CERS3: variants seen among roughly 807,000 people sequenced by gnomAD.
CERS3 encodes the protein ceramide synthase 3.
A neutral mutation model predicts 50.3 loss-of-function variants in CERS3; 33 were observed. The observed-to-expected ratio is 0.66, with a 90% CI of 0.50 to 0.88. The LOEUF (loss-of-function observed/expected upper bound fraction) is 0.88. CERS3 is among the 40% of genes least tolerant of loss of function. CERS3 has a pLI of 0.00. For synonymous variants in CERS3, 176 were observed against 155.2 expected, an observed-to-expected ratio of 1.13 and a Z score of -0.99; for missense variants, 470 against 460.3, an observed-to-expected ratio of 1.02 and a Z score of -0.19.
chr15:100,405,600 A>C (rs1443189351), intron 11 of CERS3, among the ~76,000 whole-genome samples: 1 of 152,234 alleles, frequency 6.6e-6, no homozygotes, highest in East Asian at 1.9e-4. Flanking sequence ...AATATGATCT[A>C]TTGTACAACA....
rs2030456109 is a variant in CERS3 at position 100,400,750 on chromosome 15, AAG to A, written c.*1961_*1962del. 1 of 152,144 alleles carries A rather than the reference AAG, an allele frequency of 6.6e-6. No homozygotes were observed. The highest frequency in any genetic ancestry group is 1.5e-5 in the Non-Finnish European group (1 of 68,028). The allele number at this position is 152,144 out of a possible 1,614,324, so 9.4% of individuals were successfully genotyped here. On this transcript the variant is annotated 3_prime_UTR_variant, in exon 12 of 12. Coordinates refer to ENST00000679737, the MANE Select transcript of CERS3 (RefSeq NM_001378789.1). Reference sequence around the variant, plus strand: ...ACAAAAACCAAATAAGCAAAGAAGAAAGCATACCGTTAACTGAAAACATAAAA... The same window carrying A: ...ACAAAAACCAAATAAGCAAAGAAGAACATACCGTTAACTGAAAACATAAAA...
At chr15:100,533,475 T>C (rs1429767240), upstream of CERS3, among the ~76,000 whole-genome samples, 3 of 152,118 alleles carry the variant, frequency 2.0e-5, no homozygotes, top group East Asian at 3.9e-4. Context: ...GACCAATTCA[T>C]TGGGTTCTTT....
intron 11 of CERS3, among the ~76,000 whole-genome samples, chr15:100,425,609 G>C (rs976764023): frequency 2.0e-5 from 3 of 152,160 alleles, no homozygotes; most frequent in Admixed American, 6.5e-5. Context: ...ATTAATTGCT[G>C]TTTTATTTTA....
intron 3 of CERS3, among the ~76,000 whole-genome samples, chr15:100,499,689 A>G (rs1180991519): frequency 6.6e-6 from 1 of 152,226 alleles, no homozygotes; most frequent in Non-Finnish European, 1.5e-5. Context: ...ATATGCTGAA[A>G]CATAGGGTTA....
Position 100,423,041 on chromosome 15 carries a change from C to G in CERS3, c.1000-20176G>C, listed in dbSNP as rs565126214. ...GCATGGCACATGTATACATATGTAA[C>G]TAACCTGCACATTGTGCACATGTAC... On this transcript the variant is annotated intron_variant, in intron 11 of 11. Coordinates refer to ENST00000679737, the MANE Select transcript of CERS3 (RefSeq NM_001378789.1). Among the ~76,000 whole-genome samples the G allele has an allele frequency of 2.0e-5, 3 of 147,702 alleles. 1 individual carries two copies. The highest frequency in any genetic ancestry group is 5.0e-5 in the African/African-American group (2 of 39,630).
intron 10 of CERS3, among the ~76,000 whole-genome samples, chr15:100,459,879 C>A (rs2587804): frequency 0.25 from 38,243 of 151,666 alleles, 5,333 homozygotes; most frequent in East Asian, 0.4. Context: ...CTATTTATAT[C>A]TCTTATTGGT....
In CERS3 at chr15:100,516,523, G is replaced by A. The variant is rs568329323; in HGVS notation, c.-2+5144C>T. On this transcript the variant is annotated intron_variant, in intron 2 of 11. Coordinates refer to ENST00000679737, the MANE Select transcript of CERS3 (RefSeq NM_001378789.1). ...GAACACTGTAATGTGCTGGGTAAGC[G>A]TTATACAGTAACCTCATCTTATTAT... is the stretch of plus-strand genomic sequence containing the variant. Among the ~76,000 whole-genome samples the A allele has an allele frequency of 8.7e-4, 133 of 152,314 alleles. 1 individual carries two copies. Among genetic ancestry groups the A allele is most frequent in the African/African-American group, 2.5e-3 (103 of 41,572 alleles).
intron 2 of CERS3, among the ~76,000 whole-genome samples, chr15:100,507,353 C>T (rs1188354875): frequency 6.6e-6 from 1 of 152,166 alleles, no homozygotes; most frequent in Non-Finnish European, 1.5e-5. Context: ...GTCCAGGCTA[C>T]CCCTCCAGCC....
chr15:100,534,927 G>C (rs2037033535), intron 1 of CERS3, among the ~76,000 whole-genome samples: 1 of 151,976 alleles, frequency 6.6e-6, no homozygotes, highest in Non-Finnish European at 1.5e-5. Context: ...CCTATGACTT[G>C]GAAGTCCCCT....
intron 1 of CERS3, among the ~76,000 whole-genome samples, chr15:100,539,131 T>G (rs2142434042): frequency 6.6e-6 from 1 of 152,334 alleles, no homozygotes; most frequent in African/African-American, 2.4e-5. Flanking sequence ...AGAAGTTCCT[T>G]ATCTCCATCT....
intron 10 of CERS3, among the ~76,000 whole-genome samples, chr15:100,469,150 G>A (rs920045948): frequency 3.3e-5 from 5 of 152,206 alleles, no homozygotes; most frequent in African/African-American, 7.2e-5. Context: ...CTGCTTGCCC[G>A]TCAGGTCACA....
chr15:100,421,604 A>G lies in CERS3; in HGVS notation c.1000-18739T>C, dbSNP rs967817639. ...ACTACTTTAAAGTTCATATGGAACC[A>G]AAAAAGAGCCCGCATCGCCAAGTCA... On this transcript the variant is annotated intron_variant, in intron 11 of 11. Coordinates refer to ENST00000679737, the MANE Select transcript of CERS3 (RefSeq NM_001378789.1). Among the ~76,000 whole-genome samples the G allele has an allele frequency of 9.4e-5, 14 of 149,368 alleles. 1 individual carries two copies. Among genetic ancestry groups the G allele is most frequent in the Admixed American group, 9.3e-4 (14 of 15,018 alleles).
Position 100,402,795 on chromosome 15 carries a change from G to A in CERS3, c.1070C>T (p.Thr357Ile). 1.2e-6 allele frequency: 2 copies of A among 1,614,116 alleles called. No individual in the cohort carries two copies. Among genetic ancestry groups the A allele is most frequent in the Non-Finnish European group, 1.7e-6 (2 of 1,180,008 alleles). Residue 357 changes from threonine to isoleucine, a missense_variant, in exon 12 of 12, where the codon ACC becomes ATC. By Grantham distance (89) the Thr-to-Ile change is moderately conservative. Transcript: ENST00000679737. Reference protein sequence around the residue: ...EEEEEEEEEATKGKEMDCLKN... With the variant: ...EEEEEEEEEAIKGKEMDCLKN... ...TAAACAATCCATCTCTTTGCCTTTG[G>A]TAGCCTCTTCTTCTTCCTCTTCCTC...
intron 11 of CERS3, among the ~76,000 whole-genome samples, chr15:100,428,145 A>C (rs1048037123): frequency 6.6e-6 from 1 of 152,222 alleles, no homozygotes; most frequent in Non-Finnish European, 1.5e-5. Context: ...TCCATCCATC[A>C]AAACTTTTCA....
chr15:100,541,294 A>G (rs893106774), intron 1 of CERS3, among the ~76,000 whole-genome samples: 3 of 152,240 alleles, frequency 2.0e-5, no homozygotes, highest in African/African-American at 7.2e-5. Context: ...CAACATGGCG[A>G]AACCCTGTCT....
rs2035368819 is a variant in CERS3 at position 100,483,247 on chromosome 15, T to C, written c.407+1303A>G. ...CTAAACATGATGTTGTATCTGCTGG[T>C]GTACACTCCCATGTGCCACTGGGGT... On this transcript the variant is annotated intron_variant, in intron 5 of 11. Transcript: ENST00000679737. Among the ~76,000 whole-genome samples, 3 of 152,306 alleles carry C rather than the reference T, an allele frequency of 2.0e-5. No individual in the cohort carries two copies. In the South Asian group the frequency reaches 6.2e-4, roughly 32 times the overall value.
intron 2 of CERS3, among the ~76,000 whole-genome samples, chr15:100,517,449 G>A (rs2036523918): frequency 6.6e-6 from 1 of 152,140 alleles, no homozygotes; most frequent in Non-Finnish European, 1.5e-5. Context: ...CTTTTGCGGG[G>A]TGATTTCCTC....
At chr15:100,407,678 G>C (rs192925450) in intron 11 of CERS3, among the ~76,000 whole-genome samples, 3 of 152,102 alleles carry the variant, frequency 2.0e-5, no homozygotes. Flanking sequence ...GAAAAAAAAA[G>C]AATGGTTGTA....
At position 100,488,613 on chromosome 15, in the gene CERS3, T is replaced by A. The variant is rs556469256; in HGVS notation, c.288+2204A>T. On this transcript the variant is annotated intron_variant, in intron 4 of 11. Coordinates refer to ENST00000679737, the MANE Select transcript of CERS3 (RefSeq NM_001378789.1). ...TACATTCTATCTTCCTAAGTCCTAG[T>A]GCTTTTAGGCTATGGACATTTTGCT... Among the ~76,000 whole-genome samples the A allele has an allele frequency of 2.6e-5, 4 of 152,308 alleles. No individual in the cohort carries two copies. The East Asian group carries it at 7.7e-4, about 29-fold the overall frequency.
Sources: allele counts gnomAD v4.1 joint callset (sites outside exome capture counted in the v4.1 genomes callset), GRCh38; gene constraint gnomAD v4.1.1; transcripts MANE v1.5; gene names NCBI Gene and HGNC (gene_info 2026-07-23, HGNC 2026-07-21).